The following CACNG2 variants were observed in gnomAD, a reference collection of about 807,000 sequenced individuals.
The protein encoded by CACNG2 is voltage-dependent calcium channel gamma-2 subunit.
A neutral mutation model predicts 25.9 loss-of-function variants in CACNG2; 3 were observed. The ratio of observed to expected loss-of-function variants is 0.12; its 90% confidence interval spans 0.05 to 0.30. The LOEUF (loss-of-function observed/expected upper bound fraction) is 0.30, where lower values mean the gene tolerates loss of function less well. Ranked by LOEUF, CACNG2 falls within the 10% of genes least tolerant of loss-of-function variation. The pLI, the probability that CACNG2 is intolerant of heterozygous loss-of-function variation, is 1.00. For synonymous variants in CACNG2, 167 were observed against 173.3 expected, an observed-to-expected ratio of 0.96 and a Z score of 0.29; for missense variants, 341 against 432.5, an observed-to-expected ratio of 0.79 and a Z score of 1.88.
Position 36,657,901 on chromosome 22 carries a change from A to G in CACNG2, c.211+44465T>C, listed in dbSNP as rs150516965. 2.0e-3 allele frequency among the ~76,000 whole-genome samples: 310 copies of G among 151,820 alleles called. 3 individuals carry two copies. The highest frequency in any genetic ancestry group is 7.1e-3 in the African/African-American group (293 of 41,384). On this transcript the variant is annotated intron_variant, in intron 1 of 3. Transcript: ENST00000300105. ...TGGTTATGGTGCTGGGGCAAAGAAA[A>G]TCTCCGTTCACTCCCAAGCTCTCCA...
At chr22:36,683,129 C>T (rs1274946430) in intron 1 of CACNG2, among the ~76,000 whole-genome samples, 2 of 152,208 alleles carry the variant, frequency 1.3e-5, no homozygotes, top group African/African-American at 4.8e-5. Flanking sequence ...CCTGGCATCT[C>T]ATTGCTGTAT....
intron 1 of CACNG2, among the ~76,000 whole-genome samples, chr22:36,665,076 C>T (rs1478721195): frequency 6.6e-6 from 1 of 152,234 alleles, no homozygotes; most frequent in East Asian, 1.9e-4. Context: ...GGAAAGAGGG[C>T]TGGTGAAGGC....
At chr22:36,615,586 T>G (rs1936009874) in intron 1 of CACNG2, among the ~76,000 whole-genome samples, 1 of 152,248 alleles carries the variant, frequency 6.6e-6, no homozygotes, top group Non-Finnish European at 1.5e-5. Context: ...GCTGGGTTAA[T>G]TTTCTTCTTA....
intron 2 of CACNG2, among the ~76,000 whole-genome samples, chr22:36,576,466 A>C (rs1332835926): frequency 3.3e-5 from 5 of 152,024 alleles, no homozygotes; most frequent in Non-Finnish European, 5.9e-5. Context: ...AATCTCACAA[A>C]TCACCACTGA....
At chr22:36,579,017 A>G (rs2145915896) in intron 2 of CACNG2, among the ~76,000 whole-genome samples, 1 of 152,310 alleles carries the variant, frequency 6.6e-6, no homozygotes, top group East Asian at 1.9e-4. Flanking sequence ...CCAGCCTCAG[A>G]GAAGGGCAGT....
chr22:36,622,980 G>T (rs1259022039), intron 1 of CACNG2, among the ~76,000 whole-genome samples: 1 of 141,648 alleles, frequency 7.1e-6, no homozygotes, highest in East Asian at 2.1e-4. Flanking sequence ...GGTAAGACAA[G>T]TCCTCTTTCT....
chr22:36,610,387 C>T (rs1156615798), intron 1 of CACNG2, among the ~76,000 whole-genome samples: 2 of 151,738 alleles, frequency 1.3e-5, no homozygotes, highest in African/African-American at 4.8e-5. Flanking sequence ...AATCAGCTCC[C>T]CAGAGCGTGA....
chr22:36,673,252 A>G (rs1936977001), intron 1 of CACNG2, among the ~76,000 whole-genome samples: 1 of 152,036 alleles, frequency 6.6e-6, no homozygotes, highest in South Asian at 2.1e-4. Context: ...AAATGTGTTG[A>G]AGGACTGAAG....
At chr22:36,647,050 A>T (rs1047998735) in intron 1 of CACNG2, among the ~76,000 whole-genome samples, 4 of 152,146 alleles carry the variant, frequency 2.6e-5, no homozygotes. Flanking sequence ...GCAAATGATC[A>T]ATAAGGCCAA....
intron 1 of CACNG2, among the ~76,000 whole-genome samples, chr22:36,662,803 C>A (rs548091210): frequency 2.6e-5 from 4 of 152,112 alleles, no homozygotes; most frequent in African/African-American, 9.7e-5. Context: ...AACTCATCAA[C>A]GTAGATGTTA....
At chr22:36,595,271 G>C (rs757717898) in intron 1 of CACNG2, among the ~76,000 whole-genome samples, 1 of 152,274 alleles carries the variant, frequency 6.6e-6, no homozygotes, top group Non-Finnish European at 1.5e-5. Flanking sequence ...CCAGAGCAGA[G>C]TTGGGAGTAA....
In CACNG2 at chr22:36,564,697, C is replaced by A. The variant is rs759775990; in HGVS notation, c.626G>T (p.Arg209Leu). ...HMFIDRHKQL[R>L]ATARATDYLQ... is the part of the protein sequence containing the mutation. The stretch of plus-strand genomic sequence containing the variant: ...GTAGTCCGTGGCGCGGGCCGTGGCC[C>A]GCAGCTGTTTGTGCCGGTCGATAAA... The change falls in exon 4 of 4, where the codon CGG (arginine) becomes CTG (leucine). Residue 209 changes from arginine (R) to leucine (L), a missense_variant. Around this residue, in one of 2 missense-constraint regions of CACNG2, gnomAD observed 172 missense variants for 178.1 expected, o/e 0.97. Coordinates refer to ENST00000300105, the MANE Select transcript of CACNG2 (RefSeq NM_006078.5). The surrounding 1 kb of genome is among the most constrained non-coding windows in gnomAD (Gnocchi z 6.7). The A allele has an allele frequency of 3.1e-6, 5 of 1,614,030 alleles. No homozygotes were observed. Among genetic ancestry groups the A allele is most frequent in the Non-Finnish European group, 4.2e-6 (5 of 1,180,018 alleles).
intron 1 of CACNG2, among the ~76,000 whole-genome samples, chr22:36,675,086 G>T (rs548909983): frequency 1.3e-5 from 2 of 152,172 alleles, no homozygotes; most frequent in African/African-American, 2.4e-5. Flanking sequence ...TGCCCAGGCC[G>T]AATGCAGTGT....
At chr22:36,619,631 G>A (rs1017486148) in intron 1 of CACNG2, among the ~76,000 whole-genome samples, 2 of 152,148 alleles carry the variant, frequency 1.3e-5, no homozygotes, top group Non-Finnish European at 2.9e-5. Flanking sequence ...CATCCACCTT[G>A]CCTCTGTTCT....
intron 1 of CACNG2, among the ~76,000 whole-genome samples, chr22:36,602,022 G>C (rs1443371956): frequency 2.0e-5 from 3 of 152,270 alleles, no homozygotes; most frequent in Admixed American, 2.0e-4. Flanking sequence ...CCTAACGGGT[G>C]AGAAGTGGTA....
At chr22:36,647,493 G>A (rs1262445954) in intron 1 of CACNG2, among the ~76,000 whole-genome samples, 1 of 152,164 alleles carries the variant, frequency 6.6e-6, no homozygotes, top group Admixed American at 6.5e-5. Context: ...CTACTCGGGA[G>A]GCTGAGGCAG....
In CACNG2 at chr22:36,606,734, G is replaced by A. The variant is rs901571090; in HGVS notation, c.212-19186C>T. On this transcript the variant is annotated intron_variant, in intron 1 of 3. Transcript: ENST00000300105. The surrounding 1 kb of genome is among the most constrained non-coding windows in gnomAD (Gnocchi z 5.7). ...AAGCCAGAAGTGTCATTTAGAGGAC[G>A]GAAACCAGACGGTTGGGCTGTGCGT... 2.0e-5 allele frequency among the ~76,000 whole-genome samples: 3 copies of A among 151,790 alleles called. No individual in the cohort carries two copies. Among genetic ancestry groups the A allele is most frequent in the Admixed American group, 6.6e-5 (1 of 15,200 alleles).
intron 1 of CACNG2, among the ~76,000 whole-genome samples, chr22:36,681,612 T>G (rs1335270126): frequency 6.6e-6 from 1 of 152,222 alleles, no homozygotes; most frequent in Non-Finnish European, 1.5e-5. Flanking sequence ...TCCCACCCTT[T>G]CCTTTTGTCT....
rs141465427 is a variant in CACNG2, at chr22:36,696,465, G to A, written c.211+5901C>T. Among the ~76,000 whole-genome samples the A allele has an allele frequency of 2.1e-4, 32 of 152,212 alleles. No individual in the cohort carries two copies. The South Asian group carries it at 6.4e-3, about 31-fold the overall frequency. On this transcript the variant is annotated intron_variant, in intron 1 of 3. Transcript: ENST00000300105. The stretch of plus-strand genomic sequence containing the variant: ...CACCATGCAGGAAGAATAATCCTTC[G>A]GCAGTGTGAAGGGACCACCCTTTCT...
Sources: gnomAD v4.1 joint callset for allele counts (sites outside exome capture counted in the v4.1 genomes callset) on GRCh38, gnomAD v4.1.1 for gene constraint, gnomAD v4.1.1 regional missense constraint, Gnocchi (gnomAD v3.1) non-coding constraint, MANE v1.5 for transcripts, NCBI Gene and HGNC (gene_info 2026-07-23, HGNC 2026-07-21) for gene names.